Variants in BIN1 observed in about 807,000 individuals in gnomAD.
BIN1 encodes bridging integrator 1.
In BIN1, 53 loss-of-function variants were observed where a neutral mutation model predicts 82.0. That is an observed-to-expected ratio of 0.65 (90% CI 0.52 to 0.81). The LOEUF (loss-of-function observed/expected upper bound fraction) is 0.81, where lower values mean the gene tolerates loss of function less well. BIN1 is among the 40% of genes least tolerant of loss of function. BIN1 has a pLI of 0.00. For missense variants in BIN1, 642 were observed against 784.4 expected, an observed-to-expected ratio of 0.82 and a Z score of 2.17; for synonymous variants, 302 against 328.0, an observed-to-expected ratio of 0.92 and a Z score of 0.86.
Position 127,066,534 on chromosome 2 carries a change from T to C in BIN1, c.612+1629A>G, listed in dbSNP as rs1002117709. On this transcript the variant is annotated intron_variant, in intron 7 of 18. Coordinates refer to ENST00000316724, the MANE Select transcript of BIN1 (RefSeq NM_139343.3). ...TTCAGAAACCCGGGCCCTCCGTCAG[T>C]AGTCCCATTCCCTTCTAGCCCAAGT... 7.3e-4 allele frequency among the ~76,000 whole-genome samples: 111 copies of C among 152,302 alleles called. 1 individual carries two copies. Among genetic ancestry groups the C allele is most frequent in the African/African-American group, 2.5e-3 (103 of 41,572 alleles).
At chr2:127,083,216 G>A (rs1156438660) in intron 1 of BIN1, among the ~76,000 whole-genome samples, 1 of 151,734 alleles carries the variant, frequency 6.6e-6, no homozygotes, top group Non-Finnish European at 1.5e-5. Context: ...GTCCCGAGTA[G>A]CTGGGACTAC....
chr2:127,063,496 G>GC, intron 9 of BIN1, 75 bp downstream of exon 9: 1 of 1,465,492 alleles, frequency 6.8e-7, no homozygotes. Context: ...AGTTCAGGCT[G>GC]CCCCTCCCAC....
At position 127,101,219 on chromosome 2, in the gene BIN1, T is replaced by C. The variant is rs7577148; in HGVS notation, c.84+5641A>G. Among the ~76,000 whole-genome samples the C allele has an allele frequency of 7.7e-3, 1,178 of 152,160 alleles. 18 individuals carry two copies. The highest frequency in any genetic ancestry group is 0.027 in the African/African-American group (1,102 of 41,498). ...CACAAACACCCAGCGAGGCTGCACA[T>C]CTGCACTCTTAATCCTAAAAGGAGG... On this transcript the variant is annotated intron_variant, in intron 1 of 18. Transcript: ENST00000316724.
At position 127,068,275 on chromosome 2, in the gene BIN1, G is replaced by A; in HGVS notation, c.520-20C>T. 1 of 1,599,796 alleles carries A rather than the reference G, an allele frequency of 6.3e-7. No individual in the cohort carries two copies. On this transcript the variant is annotated intron_variant, in intron 6 of 18. Transcript: ENST00000316724. The surrounding 1 kb of genome is among the most constrained non-coding windows in gnomAD (Gnocchi z 4.9). The stretch of plus-strand genomic sequence containing the variant: ...GACAGGCTGGGGTGGGGAGGTCAAG[G>A]CAAAGGAAGGTGGAGAGACCAGGGA...
intron 1 of BIN1, among the ~76,000 whole-genome samples, chr2:127,079,361 C>T (rs147476865): frequency 0.021 from 3,173 of 152,348 alleles, 74 homozygotes; most frequent in Middle Eastern, 0.082. Context: ...AGAGCAGTAC[C>T]TGGCCCATGA....
intron 14 of BIN1, chr2:127,053,160 G>A (rs368096690): frequency 1.8e-6 from 1 of 565,230 alleles, no homozygotes; most frequent in Non-Finnish European, 3.2e-6. Flanking sequence ...TGTGAAAACA[G>A]GACCAGATCT....
chr2:127,100,125 G>C (rs1680126263), intron 1 of BIN1, among the ~76,000 whole-genome samples: 1 of 152,190 alleles, frequency 6.6e-6, no homozygotes, highest in Non-Finnish European at 1.5e-5. Context: ...TTTTAGACTG[G>C]AATAAACTGG....
Position 127,073,166 on chromosome 2 carries a change from G to T in BIN1, c.166-2350C>A, listed in dbSNP as rs142176098. On this transcript the variant is annotated intron_variant, in intron 2 of 18. Coordinates refer to ENST00000316724, the MANE Select transcript of BIN1 (RefSeq NM_139343.3). ...ACGCAGATGTGCAAGGGGCCGGCCAGAGCACTGCCTCCCTGTGCCCACTGC... is the reference window on the plus strand; with the variant it reads ...ACGCAGATGTGCAAGGGGCCGGCCATAGCACTGCCTCCCTGTGCCCACTGC... Among the ~76,000 whole-genome samples the T allele has an allele frequency of 1.2e-3, 183 of 152,340 alleles. 1 individual carries two copies. Among genetic ancestry groups the T allele is most frequent in the African/African-American group, 3.8e-3 (156 of 41,584 alleles).
At chr2:127,052,427 G>A in intron 14 of BIN1, 65 bp from the exon 15 acceptor site, 4 of 1,418,552 alleles carry the variant, frequency 2.8e-6, no homozygotes, top group Non-Finnish European at 1.9e-6. Context: ...AAGGCAATGG[G>A]CAGGATCACA....
intron 2 of BIN1, among the ~76,000 whole-genome samples, chr2:127,072,481 G>A (rs1221500519): frequency 1.3e-5 from 2 of 152,208 alleles, no homozygotes; most frequent in Non-Finnish European, 2.9e-5. Flanking sequence ...AGGGTGTTTT[G>A]TGGGTAATGG....
chr2:127,074,072 T>C (rs1264946547), intron 2 of BIN1, among the ~76,000 whole-genome samples: 1 of 152,040 alleles, frequency 6.6e-6, no homozygotes, highest in Non-Finnish European at 1.5e-5. Flanking sequence ...TTCACTTCTT[T>C]AAAGACTAAA....
chr2:127,063,965 A>T lies in BIN1; in HGVS notation c.666T>A (p.Asp222Glu). The part of the protein sequence containing the change: ...AQKVFEEMNV[D>E]LQEELPSLWN... ...ACAGGGACGGCAGCTCCTCCTGCAG[A>T]TCCACATTCATCTCCTCAAACACCT... Residue 222 changes from aspartate (D) to glutamate (E), a missense_variant, in exon 8 of 19, where the codon GAT (aspartate) becomes GAA (glutamate). Coordinates refer to ENST00000316724, the MANE Select transcript of BIN1 (RefSeq NM_139343.3). 1 of 1,613,824 alleles carries T rather than the reference A, an allele frequency of 6.2e-7. No homozygotes were observed. Among genetic ancestry groups the T allele is most frequent in the South Asian group, 1.1e-5 (1 of 91,080 alleles).
At chr2:127,094,065 G>A (rs1186735733) in intron 1 of BIN1, among the ~76,000 whole-genome samples, 2 of 152,194 alleles carry the variant, frequency 1.3e-5, no homozygotes, top group South Asian at 2.1e-4. Context: ...CAGGGTCCTC[G>A]TGTGTGAAAT....
Position 127,107,020 on chromosome 2 carries a change from GC to G in BIN1, c.-78del. ...TTGCGCGCCGCGCTCCCAGCCCCCAGCCCCGGCCGCGCGTCCAGACCGGCTG... is the reference window on the plus strand; with the variant it reads ...TTGCGCGCCGCGCTCCCAGCCCCCAGCCCGGCCGCGCGTCCAGACCGGCTG... On this transcript the variant is annotated 5_prime_UTR_variant, in exon 1 of 19. Transcript: ENST00000316724. The surrounding 1 kb of genome is among the most constrained non-coding windows in gnomAD (Gnocchi z 5.9). The G allele has an allele frequency of 7.1e-7, 1 of 1,413,544 alleles. No homozygotes were observed. The highest frequency in any genetic ancestry group is 1.5e-5 in the African/African-American group (1 of 66,528). The allele number at this position is 1,413,544 out of a possible 1,614,324, so 87.6% of individuals were successfully genotyped here. A position where few individuals can be genotyped will look rare whatever the true frequency, so the allele number is the denominator to read the frequency against.
At chr2:127,052,015 G>C (rs372752241) in intron 15 of BIN1, among the ~76,000 whole-genome samples, 2 of 152,254 alleles carry the variant, frequency 1.3e-5, no homozygotes, top group African/African-American at 2.4e-5. Flanking sequence ...CTCCTCCTGC[G>C]CTGGGAGGCT....
chr2:127,062,653 T>C (rs1016068154), intron 9 of BIN1, among the ~76,000 whole-genome samples: 12 of 152,364 alleles, frequency 7.9e-5, no homozygotes, highest in African/African-American at 2.9e-4. Flanking sequence ...TTACTGAGAA[T>C]ATTCCTCTCT....
At position 127,050,967 on chromosome 2, in the gene BIN1, G is replaced by A. The variant is rs560328063; in HGVS notation, c.1462-55C>T. The A allele has an allele frequency of 1.9e-6, 3 of 1,572,712 alleles. No homozygotes were observed. The African/African-American group carries it at 4.0e-5, about 21-fold the overall frequency. On this transcript the variant is annotated intron_variant, in intron 16 of 18. Coordinates refer to ENST00000316724, the MANE Select transcript of BIN1 (RefSeq NM_139343.3). ...AGGGAGGTGGTCCAGGGACAGCCAG[G>A]GCCACCGAGGAGAAGAGGGGCGGGG...
At position 127,063,634 on chromosome 2, in the gene BIN1, GA is replaced by G. The variant is rs1187704151; in HGVS notation, c.710del (p.Phe237SerfsTer20). ...LPSLWNSRVG[F>X]YVNTFQSIAG... ...CGATGCTCTGGAACGTGTTGACGTA[GA>G]AACCTACGCGGCTACAGAAGGGCGG... On this transcript the variant is annotated frameshift_variant, in exon 9 of 19. Transcript: ENST00000316724. LOFTEE classifies it high-confidence loss of function. 1 of 1,613,848 alleles carries G rather than the reference GA, an allele frequency of 6.2e-7. No homozygotes were observed. Among genetic ancestry groups the G allele is most frequent in the Non-Finnish European group, 8.5e-7 (1 of 1,179,908 alleles).
chr2:127,097,423 GCAGCGT>G (rs1679750005), intron 1 of BIN1, among the ~76,000 whole-genome samples: 2 of 151,998 alleles, frequency 1.3e-5, no homozygotes, highest in African/African-American at 2.4e-5. Flanking sequence ...TCCAGGCCCA[GCAGCGT>G]CAGCCCTCCT....
Sources: allele counts gnomAD v4.1 joint callset (sites outside exome capture counted in the v4.1 genomes callset), GRCh38; gene constraint gnomAD v4.1.1; non-coding constraint Gnocchi (gnomAD v3.1); transcripts MANE v1.5; gene names NCBI Gene and HGNC (gene_info 2026-07-23, HGNC 2026-07-21).